The following ATP7B variants were observed in gnomAD, a reference collection of about 807,000 sequenced individuals.
The protein encoded by ATP7B is copper-transporting ATPase 2.
Under a neutral mutation model 118.9 loss-of-function variants are expected in ATP7B, and 113 were observed. The observed-to-expected ratio is 0.95, with a 90% CI of 0.82 to 1.11. The LOEUF (loss-of-function observed/expected upper bound fraction) is 1.11, where lower values mean the gene tolerates loss of function less well. ATP7B is among the 50% of genes most tolerant of loss of function. The pLI is 0.00. For missense variants in ATP7B, 1,867 were observed against 1,871.4 expected (o/e 1.00, Z 0.04); for synonymous variants, 777 against 727.4 (o/e 1.07, Z -1.10).
rs1020979758 is a variant in ATP7B at position 51,937,793 on chromosome 13, T to G, written c.3700-114A>C. 3 of 1,219,516 alleles carry G rather than the reference T, an allele frequency of 2.5e-6. No individual in the cohort carries two copies. The African/African-American group carries it at 4.4e-5, about 18-fold the overall frequency. 75.5% of individuals were successfully genotyped at this position (1,219,516 alleles called of 1,614,324 possible). On this transcript the variant is annotated intron_variant, in intron 17 of 20. Transcript: ENST00000242839. The stretch of plus-strand genomic sequence containing the variant: ...CGGCCTCTGGGTCCAGTCAGTGATG[T>G]TGGTCAACCACACCCTGCAGGTTTG...
chr13:51,946,221 T>C lies in ATP7B; in HGVS notation c.3060+63A>G, dbSNP rs74085885. 3.6e-5 allele frequency: 55 copies of C among 1,534,186 alleles called. No homozygotes were observed. The South Asian group carries it at 6.3e-4, about 18-fold the overall frequency. On this transcript the variant is annotated intron_variant, in intron 13 of 20. Transcript: ENST00000242839. ...TGGCTCTCAGGCTTTTCTCTCAATG[T>C]GAAATAGTAAACAGATACTACTTTC...
chr13:51,944,005 G>A, intron 14 of ATP7B, 104 bp downstream of exon 14: 1 of 1,471,592 alleles, frequency 6.8e-7, no homozygotes. Context: ...TGGTTTTCCA[G>A]ACCACACAGA....
At position 51,970,617 on chromosome 13, in the gene ATP7B, T is replaced by A; in HGVS notation, c.1418A>T (p.Asp473Val). 1 of 1,614,150 alleles carries A rather than the reference T, an allele frequency of 6.2e-7. No individual in the cohort carries two copies. Among genetic ancestry groups the A allele is most frequent in the Non-Finnish European group, 8.5e-7 (1 of 1,180,034 alleles). The change falls in exon 3 of 21, where the codon GAC becomes GTC. Residue 473 changes from aspartate (D) to valine (V), a missense_variant. Asp to Val is a radical substitution (Grantham distance 152, BLOSUM62 -3). Transcript: ENST00000242839. ...TGRLPANHAP[D>V]ILAKSPQSTR... ...TGATTGTGGGGACTTTGCCAAGATG[T>A]CCGGGGCATGGTTTGCAGGGAGCCT... is the stretch of plus-strand genomic sequence containing the variant.
At chr13:51,965,877 G>A (rs1030854481) in intron 4 of ATP7B, among the ~76,000 whole-genome samples, 11 of 152,228 alleles carry the variant, frequency 7.2e-5, no homozygotes, top group East Asian at 3.9e-4. Flanking sequence ...GCTGAAATTC[G>A]CATCAGTGAT....
intron 1 of ATP7B, among the ~76,000 whole-genome samples, chr13:52,010,967 A>G (rs1481205170): frequency 6.6e-6 from 1 of 152,250 alleles, no homozygotes; most frequent in Non-Finnish European, 1.5e-5. Flanking sequence ...TAACTTCTCC[A>G]GGTAACTAAC....
intron 9 of ATP7B, among the ~76,000 whole-genome samples, chr13:51,954,641 G>A (rs1958219757): frequency 6.6e-6 from 1 of 152,204 alleles, no homozygotes; most frequent in African/African-American, 2.4e-5. Context: ...GACAGGCATT[G>A]TAGAGGACAC....
chr13:51,956,781 A>T (rs1334253156), intron 9 of ATP7B, among the ~76,000 whole-genome samples: 1 of 152,218 alleles, frequency 6.6e-6, no homozygotes, highest in Non-Finnish European at 1.5e-5. Context: ...GGAAATACAG[A>T]AGCCTTAATT....
rs755739707 is a variant in ATP7B at position 51,950,058 on chromosome 13, G to A, written c.2679C>T (p.Asp893=). The stretch of plus-strand genomic sequence containing the variant: ...GTTTCACAATCTGAGCCAAAGTGGT[G>A]TCATTGCCCACGTGGGTAGCTTTAA... ...VLIKATHVGN[D]TTLAQIVKLV... is the part of the protein sequence containing the mutation. Residue 893 remains aspartate, a synonymous_variant, in exon 11 of 21, where the codon GAC becomes GAT. Transcript: ENST00000242839. 10 of 1,614,066 alleles carry A rather than the reference G, an allele frequency of 6.2e-6. No homozygotes were observed. The highest frequency in any genetic ancestry group is 3.3e-5 in the Admixed American group (2 of 60,008).
At chr13:51,944,012 C>A (rs746284583) in intron 14 of ATP7B, 97 bp downstream of exon 14, 159 of 1,517,222 alleles carry the variant, frequency 1.0e-4, no homozygotes, top group Non-Finnish European at 1.4e-4. Context: ...CCAGACCACA[C>A]AGAGAAGGCT....
chr13:52,007,547 T>C (rs569849184), intron 1 of ATP7B, among the ~76,000 whole-genome samples: 1 of 152,314 alleles, frequency 6.6e-6, no homozygotes, highest in South Asian at 2.1e-4. Context: ...TGACACCAAA[T>C]GTGTGGGGTT....
intron 15 of ATP7B, 103 bp downstream of exon 15, chr13:51,942,283 C>A (rs1957378871): frequency 1.3e-6 from 2 of 1,563,318 alleles, no homozygotes; most frequent in Non-Finnish European, 1.7e-6. Flanking sequence ...TAGCCATGAA[C>A]CGTCTGCCGC....
chr13:51,956,450 T>C (rs1298347867), intron 9 of ATP7B, among the ~76,000 whole-genome samples: 1 of 152,162 alleles, frequency 6.6e-6, no homozygotes, highest in Non-Finnish European at 1.5e-5. Context: ...GGTTAGAGTC[T>C]GCATGACATC....
chr13:51,984,328 C>G (rs1183159458), intron 1 of ATP7B, among the ~76,000 whole-genome samples: 1 of 151,802 alleles, frequency 6.6e-6, no homozygotes, highest in Non-Finnish European at 1.5e-5. Flanking sequence ...GACTGAAGAT[C>G]AACTTAATGA....
chr13:51,961,973 AT>A, intron 5 of ATP7B, 60 bp from the exon 6 acceptor site: 1 of 1,422,806 alleles, frequency 7.0e-7, no homozygotes, highest in South Asian at 1.2e-5. Flanking sequence ...TAAAATATGC[AT>A]TGGCAGAAAG....
Position 51,974,013 on chromosome 13 carries a change from A to G in ATP7B, c.1207T>C (p.Tyr403His). The change falls in exon 2 of 21, where the codon TAT becomes CAT. Residue 403 changes from tyrosine (Y) to histidine (H), a missense_variant. Physicochemically the swap from Tyr to His is moderately conservative, Grantham distance 83 (BLOSUM62 2). Transcript: ENST00000242839. ...TCTGGGCTAATTACAGAGGGATTAT[A>G]AAGAACTGTTGCAGTCCCTTCGGCC... The part of the protein sequence containing the change: ...SLAEGTATVL[Y>H]NPSVISPEEL... 6.2e-7 allele frequency: 1 copy of G among 1,614,258 alleles called. No homozygotes were observed. The highest frequency in any genetic ancestry group is 8.5e-7 in the Non-Finnish European group (1 of 1,180,054).
chr13:52,009,293 G>T (rs566720982), intron 1 of ATP7B, among the ~76,000 whole-genome samples: 2 of 152,266 alleles, frequency 1.3e-5, no homozygotes, highest in South Asian at 4.2e-4. Context: ...CTCCATTGAC[G>T]CAGCCAGTTT....
Position 51,965,001 on chromosome 13 carries a change from G to A in ATP7B, c.1740C>T (p.His580=). 1 of 1,614,136 alleles carries A rather than the reference G, an allele frequency of 6.2e-7. No homozygotes were observed. Among genetic ancestry groups the A allele is most frequent in the Non-Finnish European group, 8.5e-7 (1 of 1,180,036 alleles). ...ITGMTCASCV[H]NIESKLTRTN... is the part of the protein sequence containing the mutation. ...TCCTCGTGAGTTTGGACTCTATGTT[G>A]TGGACACAGGACGCGCAGGTCATCC... The change falls in exon 5 of 21, where the codon CAC becomes CAT. Residue 580 remains histidine (H), a synonymous_variant. Transcript: ENST00000242839.
chr13:51,974,341 C>T lies in ATP7B; in HGVS notation c.879G>A (p.Glu293=), dbSNP rs1593789326. Residue 293 remains glutamate, a synonymous_variant, in exon 2 of 21, where the codon GAG becomes GAA. Transcript: ENST00000242839. ...CATACTTTACTTGGGCAGTTTTGTTCTCCAAGGACACTTGAATACTTTGAA... is the reference window on the plus strand; with the variant it reads ...CATACTTTACTTGGGCAGTTTTGTTTTCCAAGGACACTTGAATACTTTGAA... ...LGVQSIQVSL[E]NKTAQVKYDP... 20 of 1,614,058 alleles carry T rather than the reference C, an allele frequency of 1.2e-5. No homozygotes were observed. The highest frequency in any genetic ancestry group is 1.7e-5 in the Non-Finnish European group (20 of 1,180,026).
In ATP7B at chr13:51,941,085, A is replaced by T; in HGVS notation, c.3552T>A (p.Ile1184=). The change falls in exon 16 of 21, where the codon ATT becomes ATA. Residue 1184 remains isoleucine (I), a synonymous_variant. Transcript: ENST00000242839. The part of the protein sequence containing the change: ...MKGQTAILVA[I]DGVLCGMIAI... The stretch of plus-strand genomic sequence containing the variant: ...GAAGGCAGAAGCAGAAGATACCGTC[A>T]ATAGCCACCAGGATGGCTGTCTGTC... The T allele has an allele frequency of 6.2e-7, 1 of 1,614,242 alleles. No homozygotes were observed.
Sources: allele counts gnomAD v4.1 joint callset (sites outside exome capture counted in the v4.1 genomes callset), GRCh38; gene constraint gnomAD v4.1.1; transcripts MANE v1.5; gene names NCBI Gene and HGNC (gene_info 2026-07-23, HGNC 2026-07-21).